Variants in SYBU observed in about 807,000 individuals in gnomAD.
SYBU encodes GOLSYN A protein.
SYBU carries 21 observed loss-of-function variants against 35.9 expected under a neutral mutation model. The ratio of observed to expected loss-of-function variants is 0.58; its 90% CI spans 0.41 to 0.84. The LOEUF (loss-of-function observed/expected upper bound fraction) is 0.84. Among genes scored for constraint, SYBU ranks in the 40% least tolerant of loss-of-function variants. The pLI is 0.00. For synonymous variants in SYBU, 319 were observed against 324.3 expected, an observed-to-expected ratio of 0.98 and a Z score of 0.18; for missense variants, 768 against 848.2, an observed-to-expected ratio of 0.91 and a Z score of 1.17.
chr8:109,677,898 G>C (rs542784645), intron 1 of SYBU, among the ~76,000 whole-genome samples: 2 of 152,052 alleles, frequency 1.3e-5, no homozygotes, highest in East Asian at 3.9e-4. Flanking sequence ...ACTTTGGCAG[G>C]GCGAGGTGGG....
At chr8:109,582,545 A>AGTGG (rs1823156587) in intron 4 of SYBU, among the ~76,000 whole-genome samples, 1 of 152,194 alleles carries the variant, frequency 6.6e-6, no homozygotes, top group South Asian at 2.1e-4. Context: ...AAACCTGAAT[A>AGTGG]CGTAACTAGA....
In SYBU at chr8:109,608,079, C is replaced by A. The variant is rs899395702; in HGVS notation, c.427+10763G>T. 132 of 821,806 alleles carry A rather than the reference C, an allele frequency of 1.6e-4. No homozygotes were observed. The African/African-American group carries it at 2.2e-3, about 14-fold the overall frequency. The allele number at this position is 821,806 out of a possible 1,614,324, so 50.9% of individuals were successfully genotyped here. ...ATGGAGACTGAGCCTTCTGCATGTG[C>A]AGGGCAAGGAAGTTACTCTGCTGGC... On this transcript the variant is annotated intron_variant, in intron 3 of 6. Coordinates refer to ENST00000276646, the MANE Select transcript of SYBU (RefSeq NM_001099754.2).
chr8:109,648,309 G>A (rs1252031879), upstream of SYBU, among the ~76,000 whole-genome samples: 1 of 147,112 alleles, frequency 6.8e-6, no homozygotes, highest in Non-Finnish European at 1.5e-5. Flanking sequence ...AAGCACAGGA[G>A]AGATAGGGTA....
upstream of SYBU, among the ~76,000 whole-genome samples, chr8:109,681,296 G>A (rs1430231598): frequency 6.6e-6 from 1 of 152,088 alleles, no homozygotes; most frequent in Non-Finnish European, 1.5e-5. Context: ...AATACCTTAG[G>A]GGAGTGAAAT....
chr8:109,637,591 A>T (rs988366984), intron 2 of SYBU, among the ~76,000 whole-genome samples: 21 of 151,876 alleles, frequency 1.4e-4, no homozygotes, highest in Middle Eastern at 3.4e-3. Flanking sequence ...CTTTTTTTTT[A>T]AATTCACAGG....
intron 3 of SYBU, chr8:109,586,622 G>A (rs1823652555): frequency 6.4e-6 from 1 of 155,186 alleles, no homozygotes; most frequent in East Asian, 1.9e-4. Context: ...TAGGTTTGGA[G>A]ACAGTTAACC....
At chr8:109,581,469 T>C (rs933078749) in intron 4 of SYBU, among the ~76,000 whole-genome samples, 1 of 152,218 alleles carries the variant, frequency 6.6e-6, no homozygotes, top group Non-Finnish European at 1.5e-5. Context: ...TATTAGAGGA[T>C]AAACTTGTTC....
chr8:109,637,351 A>T (rs1367508818), intron 2 of SYBU, among the ~76,000 whole-genome samples: 5 of 152,316 alleles, frequency 3.3e-5, no homozygotes, highest in Non-Finnish European at 5.9e-5. Context: ...CAATTCCATC[A>T]TGTTTACTTT....
At chr8:109,629,949 A>G (rs189281672) in intron 2 of SYBU, among the ~76,000 whole-genome samples, 3,952 of 151,994 alleles carry the variant, frequency 0.026, 177 homozygotes, top group African/African-American at 0.091. Context: ...TCTTCTTTTG[A>G]GAAGTGTCTG....
At chr8:109,585,923 T>TA (rs565534968) in intron 4 of SYBU, 137 bp downstream of exon 4, 39 of 654,676 alleles carry the variant, frequency 6.0e-5, no homozygotes, top group Middle Eastern at 2.8e-4. Flanking sequence ...AAAATCACTG[T>TA]AAAAAAACAA....
At chr8:109,684,734 G>C (rs1368603739), upstream of SYBU, among the ~76,000 whole-genome samples, 1 of 152,166 alleles carries the variant, frequency 6.6e-6, no homozygotes, top group African/African-American at 2.4e-5. Flanking sequence ...TTCCAACTTA[G>C]GGTAGAGGGT....
At chr8:109,678,220 CT>C (rs1405277863) in intron 1 of SYBU, among the ~76,000 whole-genome samples, 1 of 148,886 alleles carries the variant, frequency 6.7e-6, no homozygotes, top group Non-Finnish European at 1.5e-5. Flanking sequence ...AAGTCACACT[CT>C]TTTAAAGTTT....
At chr8:109,666,851 G>T (rs540212036) in intron 1 of SYBU, among the ~76,000 whole-genome samples, 2 of 152,172 alleles carry the variant, frequency 1.3e-5, no homozygotes, top group South Asian at 2.1e-4. Flanking sequence ...TTTTTTAAAA[G>T]AACTTATAGC....
intron 2 of SYBU, among the ~76,000 whole-genome samples, chr8:109,630,725 C>T (rs1051967197): frequency 3.3e-5 from 5 of 152,038 alleles, no homozygotes; most frequent in African/African-American, 1.2e-4. Context: ...ATCAAGAATT[C>T]TGGTTTTGCT....
intron 2 of SYBU, among the ~76,000 whole-genome samples, chr8:109,621,637 A>T (rs1404582825): frequency 6.6e-6 from 1 of 152,222 alleles, no homozygotes; most frequent in Admixed American, 6.5e-5. Context: ...CATTGTACCC[A>T]GGCCCCACCC....
At chr8:109,619,146 A>T (rs1015235317) in intron 2 of SYBU, 107 bp from the exon 3 acceptor site, 2 of 782,352 alleles carry the variant, frequency 2.6e-6, no homozygotes, top group Non-Finnish European at 4.2e-6. Context: ...GCACACGTAC[A>T]CTCTGCTTAT....
intron 2 of SYBU, among the ~76,000 whole-genome samples, chr8:109,639,605 C>G (rs190361010): frequency 6.6e-6 from 1 of 152,112 alleles, no homozygotes; most frequent in Admixed American, 6.6e-5. Context: ...TGGAAGGTTG[C>G]GAAGCTATGA....
chr8:109,614,661 A>C (rs770144726), intron 3 of SYBU, among the ~76,000 whole-genome samples: 15 of 152,250 alleles, frequency 9.9e-5, no homozygotes, highest in Non-Finnish European at 1.9e-4. Context: ...GGACAGCTTT[A>C]ATACTTTATG....
At chr8:109,675,001 A>G (rs1385536505) in intron 1 of SYBU, among the ~76,000 whole-genome samples, 1 of 152,246 alleles carries the variant, frequency 6.6e-6, no homozygotes, top group Non-Finnish European at 1.5e-5. Context: ...AAAACTGCAC[A>G]ACTACATGGA....
Sources: allele counts gnomAD v4.1 joint callset (sites outside exome capture counted in the v4.1 genomes callset), GRCh38; gene constraint gnomAD v4.1.1; transcripts MANE v1.5; gene names NCBI Gene and HGNC (gene_info 2026-07-23, HGNC 2026-07-21).